The following NCAPG2 variants were observed in gnomAD, a reference collection of about 807,000 sequenced individuals.
NCAPG2 encodes condensin-2 complex subunit G2.
In NCAPG2, 53 loss-of-function variants were observed where a neutral mutation model predicts 141.1. The observed-to-expected ratio is 0.38, with a 90% CI of 0.30 to 0.47. The LOEUF (loss-of-function observed/expected upper bound fraction) is 0.47. Among genes scored for constraint, NCAPG2 ranks in the 20% least tolerant of loss-of-function variants. The pLI, the probability that NCAPG2 is intolerant of heterozygous loss-of-function variation, is 0.99. For synonymous variants in NCAPG2, 499 were observed against 490.7 expected (o/e 1.02, Z -0.22); for missense variants, 1,087 against 1,389.0 (o/e 0.78, Z 3.46).
chr7:158,639,813 C>T, intron 27 of NCAPG2: 1 of 964,656 alleles, frequency 1.0e-6, no homozygotes, highest in Non-Finnish European at 1.2e-6. Flanking sequence ...CAACCAACAA[C>T]CATTTAATCT....
intron 27 of NCAPG2, among the ~76,000 whole-genome samples, chr7:158,638,530 A>G (rs185403605): frequency 1.3e-3 from 197 of 152,318 alleles, no homozygotes; most frequent in Non-Finnish European, 2.1e-3. Context: ...GCGAGCCACC[A>G]TGCCCAGCCA....
At chr7:158,696,989 A>C (rs1247309849) in intron 2 of NCAPG2, among the ~76,000 whole-genome samples, 1 of 152,288 alleles carries the variant, frequency 6.6e-6, no homozygotes, top group East Asian at 1.9e-4. Context: ...AAAACATCAT[A>C]GTGTAACAGA....
chr7:158,648,557 G>T (rs73165314), intron 24 of NCAPG2, among the ~76,000 whole-genome samples: 34,492 of 76,788 alleles, frequency 0.45, 9,037 homozygotes, highest in Middle Eastern at 0.54. Flanking sequence ...GCAAATGGAC[G>T]ACAACCACGC....
intron 27 of NCAPG2, among the ~76,000 whole-genome samples, chr7:158,637,870 A>G (rs1022537129): frequency 1.4e-4 from 21 of 151,998 alleles, no homozygotes; most frequent in Admixed American, 4.6e-4. Flanking sequence ...TTGGCTGGGC[A>G]CGGTGGCTCA....
Position 158,662,266 on chromosome 7 carries a change from A to G in NCAPG2, c.1917T>C (p.Asn639=). 1.2e-6 allele frequency: 2 copies of G among 1,610,802 alleles called. No individual in the cohort carries two copies. The highest frequency in any genetic ancestry group is 1.7e-6 in the Non-Finnish European group (2 of 1,178,890). Residue 639 remains asparagine (N), a synonymous_variant, in exon 16 of 28, where the codon AAT becomes AAC. Transcript: ENST00000356309. The stretch of plus-strand genomic sequence containing the variant: ...TCGTGTAAAGTTTGGCCTCTTTATT[A>G]TTTTCCATACTTCTGTCAATACTTT... ...LWKSIDRSME[N]NKEAKLYTIN...
Position 158,686,157 on chromosome 7 carries a change from A to T in NCAPG2, c.837+15T>A, listed in dbSNP as rs760216569. 1.1e-4 allele frequency: 159 copies of T among 1,488,730 alleles called. No homozygotes were observed. The highest frequency in any genetic ancestry group is 1.3e-4 in the Non-Finnish European group (148 of 1,099,760). The allele number at this position is 1,488,730 out of a possible 1,614,324, so 92.2% of individuals were successfully genotyped here. A position where few individuals can be genotyped will look rare whatever the true frequency, so the allele number is the denominator to read the frequency against. On this transcript the variant is annotated intron_variant, in intron 8 of 27. Coordinates refer to ENST00000356309, the MANE Select transcript of NCAPG2 (RefSeq NM_017760.7). Reference sequence around the variant, plus strand: ...TAATAAAAATAAGTGTTAACATTTAAAAAAATGAAAATACCTCCAGTATTT... The same window carrying T: ...TAATAAAAATAAGTGTTAACATTTATAAAAATGAAAATACCTCCAGTATTT...
At chr7:158,638,843 C>G (rs1269223455) in intron 27 of NCAPG2, among the ~76,000 whole-genome samples, 1 of 152,168 alleles carries the variant, frequency 6.6e-6, no homozygotes, top group African/African-American at 2.4e-5. Context: ...CTCTCTAAAA[C>G]ACACACTCCT....
chr7:158,636,675 T>G (rs563733485), intron 27 of NCAPG2, among the ~76,000 whole-genome samples: 1 of 152,288 alleles, frequency 6.6e-6, no homozygotes, highest in Non-Finnish European at 1.5e-5. Context: ...GTGCTGGGAT[T>G]ACAGGCATAA....
intron 10 of NCAPG2, 41 bp downstream of exon 10, chr7:158,680,680 T>C: frequency 1.5e-6 from 2 of 1,312,298 alleles, no homozygotes; most frequent in South Asian, 3.5e-5. Flanking sequence ...AAAGCACAAG[T>C]AGTACATTCC....
chr7:158,689,677 T>C (rs2129468894), intron 6 of NCAPG2, 142 bp downstream of exon 6: 1 of 611,430 alleles, frequency 1.6e-6, no homozygotes, highest in Non-Finnish European at 2.5e-6. Context: ...AGTACTGCCA[T>C]GCAGTAAAAA....
At chr7:158,680,509 G>T (rs539223192) in intron 10 of NCAPG2, among the ~76,000 whole-genome samples, 3 of 152,326 alleles carry the variant, frequency 2.0e-5, no homozygotes, top group African/African-American at 7.2e-5. Context: ...AAATAACTGT[G>T]TAGTTAGCAC....
At chr7:158,648,597 G>GCCAAATGGACC (rs1831220561) in intron 24 of NCAPG2, among the ~76,000 whole-genome samples, 2 of 44,792 alleles carry the variant, frequency 4.5e-5, no homozygotes, top group African/African-American at 1.5e-4. Context: ...CCAAATGGAC[G>GCCAAATGGACC]ACAACCACGC....
At chr7:158,693,221 T>A in intron 3 of NCAPG2, 88 bp downstream of exon 3, 1 of 1,370,498 alleles carries the variant, frequency 7.3e-7, no homozygotes. Flanking sequence ...AAATCTGTCT[T>A]AATGTAAAAT....
intron 27 of NCAPG2, among the ~76,000 whole-genome samples, chr7:158,643,458 T>C (rs1216845501): frequency 6.6e-6 from 1 of 152,214 alleles, no homozygotes; most frequent in East Asian, 1.9e-4. Flanking sequence ...TTACAGGCAT[T>C]GAGTTACTGC....
At chr7:158,644,419 A>T (rs1830853898) in intron 26 of NCAPG2, 31 bp from the exon 27 acceptor site, 1 of 1,553,074 alleles carries the variant, frequency 6.4e-7, no homozygotes, top group East Asian at 2.2e-5. Flanking sequence ...GACAGAAAAG[A>T]CTTTAACATC....
chr7:158,662,543 C>T (rs541797717), intron 15 of NCAPG2, among the ~76,000 whole-genome samples, 176 bp from the exon 16 acceptor site: 1 of 152,266 alleles, frequency 6.6e-6, no homozygotes, highest in Non-Finnish European at 1.5e-5. Context: ...TTTAAATGCC[C>T]ACCACGATAT....
chr7:158,648,316 T>G (rs549694316), intron 24 of NCAPG2, among the ~76,000 whole-genome samples: 2 of 145,666 alleles, frequency 1.4e-5, no homozygotes, highest in African/African-American at 2.5e-5. Flanking sequence ...AAAAAAAAAA[T>G]TACACAAAAG....
chr7:158,666,867 C>T (rs981999481), intron 13 of NCAPG2, among the ~76,000 whole-genome samples: 9 of 152,188 alleles, frequency 5.9e-5, no homozygotes, highest in African/African-American at 2.2e-4. Context: ...CCTACCACAG[C>T]TGACAAAGGA....
chr7:158,681,842 A>G (rs892516982), intron 9 of NCAPG2, among the ~76,000 whole-genome samples: 2 of 152,176 alleles, frequency 1.3e-5, no homozygotes, highest in Non-Finnish European at 2.9e-5. Context: ...TTACTGTCTA[A>G]TTCTAGAACA....
Sources: allele counts gnomAD v4.1 joint callset (sites outside exome capture counted in the v4.1 genomes callset), GRCh38; gene constraint gnomAD v4.1.1; transcripts MANE v1.5; gene names NCBI Gene and HGNC (gene_info 2026-07-23, HGNC 2026-07-21).